Variants in HTR1E observed in about 807,000 individuals in gnomAD.
HTR1E encodes 5-hydroxytryptamine receptor 1E.
A neutral mutation model predicts 3.4 loss-of-function variants in HTR1E; 3 were observed. The observed-to-expected ratio is 0.89, with a 90% confidence interval of 0.41 to 2.31. The LOEUF (loss-of-function observed/expected upper bound fraction) is 2.31. HTR1E is among the 30% of genes most tolerant of loss of function. The probability of loss-of-function intolerance (pLI) is 0.05; values close to 1 mark genes in which losing one functional copy is unlikely to be tolerated. For synonymous variants in HTR1E, 170 were observed against 182.8 expected (o/e 0.93, Z 0.56); for missense variants, 392 against 467.0 (o/e 0.84, Z 1.48).
intron 1 of HTR1E, among the ~76,000 whole-genome samples, chr6:86,994,406 G>A (rs1408292495): frequency 2.0e-5 from 3 of 151,954 alleles, no homozygotes; most frequent in African/African-American, 7.2e-5. Flanking sequence ...ATACCTATCA[G>A]GAGAAAAAAA....
At chr6:86,942,357 T>C (rs1222045795) in intron 1 of HTR1E, among the ~76,000 whole-genome samples, 1 of 152,214 alleles carries the variant, frequency 6.6e-6, no homozygotes, top group Non-Finnish European at 1.5e-5. Flanking sequence ...TACCTTACAT[T>C]TTAAACTTTA....
chr6:86,995,034 A>G (rs1767916369), intron 1 of HTR1E, among the ~76,000 whole-genome samples: 1 of 152,164 alleles, frequency 6.6e-6, no homozygotes, highest in Non-Finnish European at 1.5e-5. Flanking sequence ...AATGTCCCCA[A>G]GTAACCCACA....
intron 1 of HTR1E, among the ~76,000 whole-genome samples, chr6:86,982,591 T>A (rs1018161934): frequency 6.8e-6 from 1 of 147,222 alleles, no homozygotes; most frequent in Non-Finnish European, 1.5e-5. Flanking sequence ...GCCTGACTTG[T>A]GTCTTCAGCT....
intron 1 of HTR1E, among the ~76,000 whole-genome samples, chr6:86,985,776 T>C (rs920963264): frequency 6.6e-6 from 1 of 152,188 alleles, no homozygotes; most frequent in Non-Finnish European, 1.5e-5. Flanking sequence ...CAATTACCAG[T>C]ATCTACCCAG....
At chr6:87,010,702 G>A (rs1446721924) in intron 1 of HTR1E, among the ~76,000 whole-genome samples, 2 of 146,798 alleles carry the variant, frequency 1.4e-5, no homozygotes, top group African/African-American at 5.1e-5. Flanking sequence ...CATCCCAGAC[G>A]ATGGGCGGCC....
intron 1 of HTR1E, among the ~76,000 whole-genome samples, chr6:86,966,668 CAT>C (rs1471893492): frequency 6.6e-6 from 1 of 152,076 alleles, no homozygotes; most frequent in Non-Finnish European, 1.5e-5. Flanking sequence ...AACTTGCTGA[CAT>C]GTGTTTGTTG....
At chr6:87,006,531 C>T (rs760650617) in intron 1 of HTR1E, among the ~76,000 whole-genome samples, 2 of 152,106 alleles carry the variant, frequency 1.3e-5, no homozygotes, top group South Asian at 2.1e-4. Context: ...CCTCAAAGAT[C>T]GAGAAGCAGA....
At chr6:87,013,348 T>C (rs1407804331) in intron 1 of HTR1E, among the ~76,000 whole-genome samples, 1 of 152,242 alleles carries the variant, frequency 6.6e-6, no homozygotes, top group Non-Finnish European at 1.5e-5. Flanking sequence ...CTCCTATTTG[T>C]AATTTTTATG....
At position 86,957,037 on chromosome 6, in the gene HTR1E, G is replaced by A. The variant is rs552696491; in HGVS notation, c.-186+19214G>A. ...AGTTCTATTACATGTTAACCTTGTC[G>A]TTTAGTATAGAAAACAATGTGAGAT... is the stretch of plus-strand genomic sequence containing the variant. On this transcript the variant is annotated intron_variant, in intron 1 of 1. Coordinates refer to ENST00000305344, the MANE Select transcript of HTR1E (RefSeq NM_000865.3). Among the ~76,000 whole-genome samples, 148 of 152,250 alleles carry A rather than the reference G, an allele frequency of 9.7e-4. 2 individuals are homozygous for A. Among genetic ancestry groups the A allele is most frequent in the African/African-American group, 3.3e-3 (135 of 41,530 alleles).
Position 87,016,431 on chromosome 6 carries a change from A to G in HTR1E, c.1097A>G (p.Ter366TrpextTer5). The G allele has an allele frequency of 1.3e-6, 2 of 1,583,658 alleles. No homozygotes were observed. Among genetic ancestry groups the G allele is most frequent in the Middle Eastern group, 3.4e-4 (2 of 5,928 alleles). The change falls in exon 2 of 2, where the codon TAG (stop) becomes TGG (tryptophan). Residue 366 changes from the stop codon to tryptophan, a stop_lost. Transcript: ENST00000305344. ...KKLIRCREHT[*>W] ...CTCATTAGATGCCGAGAGCATACTT[A>G]GACTGTAAAAAGCTAAAAGGCACGA...
At chr6:87,006,424 A>T (rs1186053896) in intron 1 of HTR1E, among the ~76,000 whole-genome samples, 1 of 152,196 alleles carries the variant, frequency 6.6e-6, no homozygotes, top group East Asian at 1.9e-4. Context: ...GTCAAGAAAC[A>T]ACAGATGCTG....
In HTR1E at chr6:87,016,537, T is replaced by C; in HGVS notation, c.*105T>C. The C allele has an allele frequency of 1.1e-6, 1 of 906,336 alleles. No individual in the cohort carries two copies. Among genetic ancestry groups the C allele is most frequent in the Admixed American group, 2.6e-5 (1 of 38,280 alleles). 56.1% of individuals were successfully genotyped at this position (906,336 alleles called of 1,614,324 possible). A position where few individuals can be genotyped will look rare whatever the true frequency, so the allele number is the denominator to read the frequency against. On this transcript the variant is annotated 3_prime_UTR_variant, in exon 2 of 2. Coordinates refer to ENST00000305344, the MANE Select transcript of HTR1E (RefSeq NM_000865.3). ...TGAACATACTTGGTTCAGGAGAGTT[T>C]GTAAGTATGTGTGGTCTTGTTTCCT...
intron 1 of HTR1E, among the ~76,000 whole-genome samples, chr6:86,998,772 C>T (rs188822585): frequency 2.0e-5 from 3 of 151,668 alleles, no homozygotes; most frequent in African/African-American, 4.8e-5. Flanking sequence ...TTAAGTCATT[C>T]GAAAGCTGGT....
intron 1 of HTR1E, among the ~76,000 whole-genome samples, chr6:86,951,082 T>C (rs1767233675): frequency 6.6e-6 from 1 of 152,208 alleles, no homozygotes; most frequent in Non-Finnish European, 1.5e-5. Context: ...TTTGATAATA[T>C]TATTGACATT....
chr6:86,944,874 G>A lies in HTR1E; in HGVS notation c.-186+7051G>A, dbSNP rs945850832. On this transcript the variant is annotated intron_variant, in intron 1 of 1. Coordinates refer to ENST00000305344, the MANE Select transcript of HTR1E (RefSeq NM_000865.3). ...TGTGCTTGTGATGAGGCTGGTGTAA[G>A]CAAACCTGTGCTGCCAGTTGTATAA... Among the ~76,000 whole-genome samples, 10 of 152,298 alleles carry A rather than the reference G, an allele frequency of 6.6e-5. No homozygotes were observed. In the East Asian group the frequency reaches 1.3e-3, roughly 21 times the overall value.
Position 87,015,624 on chromosome 6 carries a change from T to G in HTR1E, c.290T>G (p.Val97Gly). ...AAGCTTGGGTACTTCCTCTGTGAGGTGTGGCTGAGTGTGGACATGACCTGC... is the reference window on the plus strand; with the variant it reads ...AAGCTTGGGTACTTCCTCTGTGAGGGGTGGCTGAGTGTGGACATGACCTGC... ...RWKLGYFLCE[V>G]WLSVDMTCCT... The change falls in exon 2 of 2, where the codon GTG (valine) becomes GGG (glycine). Residue 97 changes from valine (V) to glycine (G), a missense_variant. Val to Gly is a moderately radical substitution (Grantham distance 109). Coordinates refer to ENST00000305344, the MANE Select transcript of HTR1E (RefSeq NM_000865.3). The G allele has an allele frequency of 6.2e-7, 1 of 1,614,152 alleles. No individual in the cohort carries two copies. The highest frequency in any genetic ancestry group is 8.5e-7 in the Non-Finnish European group (1 of 1,180,028).
chr6:86,952,269 C>T (rs963358713), intron 1 of HTR1E, among the ~76,000 whole-genome samples: 3 of 152,084 alleles, frequency 2.0e-5, no homozygotes, highest in Non-Finnish European at 4.4e-5. Context: ...ACAGAGAAAA[C>T]CAACAAGCAT....
chr6:87,015,884 A>ATTTAC lies in HTR1E; in HGVS notation c.552_556dup (p.Ser186PhefsTer12), dbSNP rs1562076472. On this transcript the variant is annotated frameshift_variant, in exon 2 of 2. Coordinates refer to ENST00000305344, the MANE Select transcript of HTR1E (RefSeq NM_000865.3). LOFTEE classifies it low-confidence loss of function (END_TRUNC). ...CCAGCACGACCATGTTATCTACACC[A>ATTTAC]TTTACTCCACGCTGGGTGCGTTTTA... 6.2e-7 allele frequency: 1 copy of ATTTAC among 1,613,364 alleles called. No homozygotes were observed. Among genetic ancestry groups the ATTTAC allele is most frequent in the East Asian group, 2.2e-5 (1 of 44,874 alleles).
At chr6:86,977,547 C>T (rs562500080) in intron 1 of HTR1E, among the ~76,000 whole-genome samples, 33 of 152,122 alleles carry the variant, frequency 2.2e-4, no homozygotes, top group Admixed American at 2.6e-4. Flanking sequence ...GGTTTTATAC[C>T]TAATAATGGG....
Sources: allele counts gnomAD v4.1 joint callset (sites outside exome capture counted in the v4.1 genomes callset), GRCh38; gene constraint gnomAD v4.1.1; transcripts MANE v1.5; gene names NCBI Gene and HGNC (gene_info 2026-07-23, HGNC 2026-07-21).